UPP2: variants seen among roughly 807,000 people sequenced by gnomAD.
The protein encoded by UPP2 is uridine phosphorylase 2.
In UPP2, 23 loss-of-function variants were observed where a neutral mutation model predicts 26.7. The observed-to-expected ratio is 0.86, with a 90% CI of 0.62 to 1.22. The LOEUF (loss-of-function observed/expected upper bound fraction) is 1.22. UPP2 is among the 50% of genes most tolerant of loss of function. The pLI, the probability that UPP2 is intolerant of heterozygous loss-of-function variation, is 0.00. For synonymous variants in UPP2, 127 were observed against 141.3 expected (o/e 0.90, Z 0.72); for missense variants, 387 against 396.7 (o/e 0.98, Z 0.21).
At chr2:158,019,279 G>A (rs2105146936) in intron 3 of UPP2, among the ~76,000 whole-genome samples, 1 of 152,232 alleles carries the variant, frequency 6.6e-6, no homozygotes. Context: ...CTCCACAGAA[G>A]GTAAAAAAGA....
chr2:158,001,118 C>T (rs754085198), intron 2 of UPP2, among the ~76,000 whole-genome samples: 66 of 152,310 alleles, frequency 4.3e-4, no homozygotes, highest in Non-Finnish European at 7.8e-4. Flanking sequence ...TAACTGGGTT[C>T]CCGATCATTT....
At chr2:158,048,533 A>C (rs1281878853) in intron 3 of UPP2, among the ~76,000 whole-genome samples, 1 of 152,130 alleles carries the variant, frequency 6.6e-6, no homozygotes. Context: ...GAGCCCAAGA[A>C]ATGGAGGCTG....
At chr2:158,055,078 G>A (rs982036732) in intron 3 of UPP2, among the ~76,000 whole-genome samples, 1 of 152,136 alleles carries the variant, frequency 6.6e-6, no homozygotes, top group Non-Finnish European at 1.5e-5. Flanking sequence ...CCCCAAACTG[G>A]GTAACTTATG....
At position 158,123,816 on chromosome 2, in the gene UPP2, A is replaced by C; in HGVS notation, c.732A>C (p.Arg244Ser). The C allele has an allele frequency of 1.2e-6, 2 of 1,614,094 alleles. No homozygotes were observed. Among genetic ancestry groups the C allele is most frequent in the Non-Finnish European group, 1.7e-6 (2 of 1,179,948 alleles). ...SREKKLDYLK[R>S]AFKAGVRNIE... ...AAAAAAAGTTAGACTACTTGAAGAGAGCATTTAAAGCTGGTGTCAGGAATA... is the reference window on the plus strand; with the variant it reads ...AAAAAAAGTTAGACTACTTGAAGAGCGCATTTAAAGCTGGTGTCAGGAATA... The change falls in exon 6 of 7, where the codon AGA becomes AGC. Residue 244 changes from arginine to serine, a missense_variant. Transcript: ENST00000005756.
chr2:158,054,385 GTT>G (rs71404330), intron 3 of UPP2, among the ~76,000 whole-genome samples: 1 of 139,032 alleles, frequency 7.2e-6, no homozygotes. Context: ...TTATTTTGAG[GTT>G]TTTTTTTTTT....
At chr2:158,078,104 A>T (rs1682659634) in intron 3 of UPP2, among the ~76,000 whole-genome samples, 1 of 152,178 alleles carries the variant, frequency 6.6e-6, no homozygotes, top group African/African-American at 2.4e-5. Flanking sequence ...CCCAATAAAA[A>T]TGGCTTTTAT....
intron 3 of UPP2, among the ~76,000 whole-genome samples, chr2:158,047,393 G>A (rs1388055921): frequency 1.3e-5 from 2 of 152,230 alleles, no homozygotes. Context: ...TGGTTTACTT[G>A]AACGTCTACC....
chr2:158,112,990 T>C (rs944386370), intron 2 of UPP2, among the ~76,000 whole-genome samples: 4 of 152,214 alleles, frequency 2.6e-5, no homozygotes, highest in African/African-American at 9.6e-5. Context: ...TTAAGGTCAA[T>C]GTTGGTTGGT....
intron 2 of UPP2, among the ~76,000 whole-genome samples, chr2:157,998,070 G>C (rs940646740): frequency 1.3e-5 from 2 of 152,014 alleles, no homozygotes; most frequent in Non-Finnish European, 1.5e-5. Context: ...CATGGATATG[G>C]GTGTACTTAG....
chr2:158,114,548 A>G (rs1167191988), intron 2 of UPP2, among the ~76,000 whole-genome samples: 1 of 152,262 alleles, frequency 6.6e-6, no homozygotes, highest in Non-Finnish European at 1.5e-5. Flanking sequence ...CATTTACAAT[A>G]ATAAGGCTTG....
chr2:158,012,742 TAGA>T (rs1384689146), intron 2 of UPP2, among the ~76,000 whole-genome samples: 1 of 152,162 alleles, frequency 6.6e-6, no homozygotes, highest in Non-Finnish European at 1.5e-5. Flanking sequence ...TACTAATACA[TAGA>T]AGAAAATATA....
chr2:158,042,502 G>T (rs1316918432), intron 3 of UPP2, among the ~76,000 whole-genome samples: 2 of 152,110 alleles, frequency 1.3e-5, no homozygotes, highest in Non-Finnish European at 2.9e-5. Context: ...AGGATTTCAT[G>T]GTGTTTCTGT....
At chr2:158,059,777 C>T (rs559027111) in intron 3 of UPP2, among the ~76,000 whole-genome samples, 5 of 152,214 alleles carry the variant, frequency 3.3e-5, no homozygotes, top group African/African-American at 4.8e-5. Context: ...TTCCTCTCAT[C>T]GAGCACTTGA....
chr2:158,092,643 A>G (rs1682928563), intron 3 of UPP2, among the ~76,000 whole-genome samples: 1 of 152,262 alleles, frequency 6.6e-6, no homozygotes, highest in Non-Finnish European at 1.5e-5. Flanking sequence ...ATTGGCAGAC[A>G]TGGATAATGT....
chr2:158,057,352 A>T (rs1250906315), intron 3 of UPP2, among the ~76,000 whole-genome samples: 1 of 152,202 alleles, frequency 6.6e-6, no homozygotes, highest in South Asian at 2.1e-4. Context: ...TTTGCAATTC[A>T]TCTGTGTGGA....
At chr2:158,073,281 A>G (rs1019407884) in intron 3 of UPP2, among the ~76,000 whole-genome samples, 12 of 152,208 alleles carry the variant, frequency 7.9e-5, no homozygotes, top group Non-Finnish European at 1.8e-4. Context: ...TTGAAAATGT[A>G]TAGTCAAAAG....
intron 2 of UPP2, among the ~76,000 whole-genome samples, chr2:158,007,076 C>A (rs1420007502): frequency 6.6e-6 from 1 of 152,176 alleles, no homozygotes; most frequent in African/African-American, 2.4e-5. Context: ...CTGGCATTCA[C>A]CTTCCCTTTG....
intron 1 of UPP2, among the ~76,000 whole-genome samples, chr2:158,103,136 G>T (rs956956645): frequency 2.6e-5 from 4 of 152,114 alleles, no homozygotes; most frequent in African/African-American, 9.7e-5. Context: ...GTAGAAATTT[G>T]GCATGAAATC....
chr2:158,054,249 C>A (rs145013498), intron 3 of UPP2, among the ~76,000 whole-genome samples: 3 of 151,874 alleles, frequency 2.0e-5, no homozygotes, highest in Admixed American at 6.6e-5. Flanking sequence ...CAGAGTGAGA[C>A]CCTGTCTCAA....
Sources: gnomAD v4.1 joint callset for allele counts (sites outside exome capture counted in the v4.1 genomes callset) on GRCh38, gnomAD v4.1.1 for gene constraint, MANE v1.5 for transcripts, NCBI Gene and HGNC (gene_info 2026-07-23, HGNC 2026-07-21) for gene names.